The following NCALD variants were observed in gnomAD, a reference collection of about 807,000 sequenced individuals.
The protein encoded by NCALD is neurocalcin delta, also known as neurocalcin-delta.
A neutral mutation model predicts 18.6 loss-of-function variants in NCALD; 10 were observed. The ratio of observed to expected loss-of-function variants is 0.54; its 90% CI spans 0.33 to 0.91. The LOEUF is 0.91. Among genes scored for constraint, NCALD ranks in the 40% least tolerant of loss-of-function variants. The probability of loss-of-function intolerance (pLI) is 0.03; values close to 1 mark genes in which losing one functional copy is unlikely to be tolerated. For missense variants in NCALD, 184 were observed against 247.6 expected (o/e 0.74, Z 1.72); for synonymous variants, 88 against 87.4 (o/e 1.01, Z -0.04).
intron 4 of NCALD, among the ~76,000 whole-genome samples, chr8:101,856,620 T>C (rs925697368): frequency 6.6e-6 from 1 of 152,140 alleles, no homozygotes; most frequent in African/African-American, 2.4e-5. Flanking sequence ...TATATGAATA[T>C]GAAAACTTAT....
chr8:101,696,268 T>C (rs780896026), intron 2 of NCALD, among the ~76,000 whole-genome samples: 3 of 152,196 alleles, frequency 2.0e-5, no homozygotes, highest in Non-Finnish European at 4.4e-5. Flanking sequence ...GACCTAATCC[T>C]TTCCCTCATG....
intron 1 of NCALD, among the ~76,000 whole-genome samples, chr8:102,082,964 A>T (rs141204208): frequency 4.0e-4 from 61 of 152,376 alleles, no homozygotes; most frequent in African/African-American, 1.4e-3. Context: ...CAAAAAGAAG[A>T]ATTACTACTG....
intron 1 of NCALD, among the ~76,000 whole-genome samples, chr8:101,741,960 A>G (rs867556224): frequency 5.0e-5 from 1 of 20,092 alleles, no homozygotes; most frequent in Admixed American, 4.2e-4. Context: ...AAAAGAAAAG[A>G]AAAAAAAAAA....
At chr8:101,963,651 G>A (rs114579281) in intron 2 of NCALD, among the ~76,000 whole-genome samples, 1 of 152,156 alleles carries the variant, frequency 6.6e-6, no homozygotes, top group African/African-American at 2.4e-5. Flanking sequence ...TCTGTTATAT[G>A]AGCCAATAAA....
chr8:101,719,581 G>A lies in NCALD; in HGVS notation c.49C>T (p.Leu17=). 1 of 1,611,330 alleles carries A rather than the reference G, an allele frequency of 6.2e-7. No individual in the cohort carries two copies. The highest frequency in any genetic ancestry group is 1.7e-5 in the Admixed American group (1 of 59,576). The part of the protein sequence containing the change: ...KLRPEVMQDL[L]ESTDFTEHEI... Reference sequence around the variant, plus strand: ...TGCTCTGTAAAGTCTGTGCTTTCCAGCAAGTCCTGCATGACCTCCGGGCGC... The same window carrying A: ...TGCTCTGTAAAGTCTGTGCTTTCCAACAAGTCCTGCATGACCTCCGGGCGC... The change falls in exon 2 of 4, where the codon CTG becomes TTG. Residue 17 remains leucine (L), a synonymous_variant. Transcript: ENST00000220931.
intron 2 of NCALD, among the ~76,000 whole-genome samples, chr8:101,988,746 T>C (rs529168193): frequency 6.6e-6 from 1 of 152,068 alleles, no homozygotes; most frequent in East Asian, 1.9e-4. Flanking sequence ...GTTTTTCCCT[T>C]GTTATATGAA....
intron 1 of NCALD, among the ~76,000 whole-genome samples, chr8:102,081,580 C>T (rs866829057): frequency 8.1e-6 from 1 of 123,542 alleles, no homozygotes; most frequent in Non-Finnish European, 1.8e-5. Context: ...AAAAAAACCC[C>T]AAAAAAAACT....
At chr8:101,931,692 G>A (rs955957188) in intron 2 of NCALD, among the ~76,000 whole-genome samples, 1 of 150,376 alleles carries the variant, frequency 6.6e-6, no homozygotes, top group Non-Finnish European at 1.5e-5. Context: ...TTTTGCTTTT[G>A]CTGTCCTTTT....
At chr8:101,878,542 T>A (rs897145898) in intron 4 of NCALD, among the ~76,000 whole-genome samples, 4 of 152,252 alleles carry the variant, frequency 2.6e-5, no homozygotes, top group Non-Finnish European at 5.9e-5. Flanking sequence ...GTTTTAGATT[T>A]CTTTTAAGCT....
chr8:102,009,725 A>G (rs1042764201), intron 2 of NCALD, among the ~76,000 whole-genome samples: 8 of 152,196 alleles, frequency 5.3e-5, no homozygotes, highest in African/African-American at 1.9e-4. Flanking sequence ...GTTCTATTGG[A>G]GCAGTTTACC....
chr8:102,050,859 A>C (rs942040030), intron 1 of NCALD, among the ~76,000 whole-genome samples: 32 of 145,050 alleles, frequency 2.2e-4, no homozygotes, highest in African/African-American at 7.5e-4. Flanking sequence ...TAATTAATTA[A>C]TTTAATTAAT....
intron 4 of NCALD, among the ~76,000 whole-genome samples, chr8:101,861,125 G>A (rs1222355682): frequency 2.6e-5 from 4 of 152,124 alleles, no homozygotes; most frequent in Non-Finnish European, 2.9e-5. Flanking sequence ...AGCTCAGTGC[G>A]TCTGTTTAGA....
At chr8:101,844,130 C>T (rs959679013) in intron 4 of NCALD, among the ~76,000 whole-genome samples, 2 of 152,142 alleles carry the variant, frequency 1.3e-5, no homozygotes, top group Non-Finnish European at 2.9e-5. Context: ...CTTCCTAAAG[C>T]CCTGGGCCAA....
chr8:101,888,941 C>T (rs1816775354), intron 3 of NCALD, among the ~76,000 whole-genome samples: 2 of 152,122 alleles, frequency 1.3e-5, no homozygotes, highest in Admixed American at 1.3e-4. Flanking sequence ...TACCCTTTTC[C>T]CTTACAGAAT....
intron 1 of NCALD, among the ~76,000 whole-genome samples, chr8:101,759,012 T>G (rs16868359): frequency 2.6e-5 from 4 of 152,134 alleles, no homozygotes; most frequent in African/African-American, 9.7e-5. Flanking sequence ...CCCAACTTAC[T>G]TCATACATCA....
At chr8:101,891,925 G>A (rs934851898) in intron 3 of NCALD, among the ~76,000 whole-genome samples, 6 of 152,168 alleles carry the variant, frequency 3.9e-5, no homozygotes, top group Non-Finnish European at 5.9e-5. Flanking sequence ...AGGCGGCAGC[G>A]AGGCTGGGGG....
At chr8:102,081,644 T>G (rs1824542688) in intron 1 of NCALD, among the ~76,000 whole-genome samples, 1 of 151,832 alleles carries the variant, frequency 6.6e-6, no homozygotes, top group South Asian at 2.1e-4. Flanking sequence ...CTCCCATTAG[T>G]TCAGTCCATC....
chr8:101,949,194 T>C (rs1819293077), intron 2 of NCALD, among the ~76,000 whole-genome samples: 1 of 152,202 alleles, frequency 6.6e-6, no homozygotes, highest in Admixed American at 6.5e-5. Context: ...AAGCTTTCAT[T>C]GATCCTTTAA....
chr8:101,929,140 T>C (rs771347127), intron 2 of NCALD, among the ~76,000 whole-genome samples: 3 of 150,672 alleles, frequency 2.0e-5, no homozygotes, highest in Non-Finnish European at 4.4e-5. Context: ...TAAAATGTTT[T>C]CCCCTCGATT....
Sources: allele counts gnomAD v4.1 joint callset (sites outside exome capture counted in the v4.1 genomes callset), GRCh38; gene constraint gnomAD v4.1.1; transcripts MANE v1.5; gene names NCBI Gene and HGNC (gene_info 2026-07-23, HGNC 2026-07-21).